GRK3: variants seen among roughly 807,000 people sequenced by gnomAD.
GRK3 encodes adrenergic, beta, receptor kinase 2.
GRK3 carries 54 observed loss-of-function variants against 95.7 expected under a neutral mutation model. The ratio of observed to expected loss-of-function variants is 0.56; its 90% CI spans 0.45 to 0.71. The LOEUF (loss-of-function observed/expected upper bound fraction) is 0.71, where lower values mean the gene tolerates loss of function less well. Ranked by LOEUF, GRK3 falls within the 30% of genes least tolerant of loss-of-function variation. The pLI is 0.00. For missense variants in GRK3, 649 were observed against 851.2 expected, an observed-to-expected ratio of 0.76 and a Z score of 2.96; for synonymous variants, 281 against 290.8, an observed-to-expected ratio of 0.97 and a Z score of 0.34.
At chr22:25,625,993 G>A (rs1043021754) in intron 2 of GRK3, among the ~76,000 whole-genome samples, 5 of 152,164 alleles carry the variant, frequency 3.3e-5, no homozygotes, top group Admixed American at 6.5e-5. Flanking sequence ...GGCCACTACC[G>A]GTCTCCGTGC....
intron 2 of GRK3, among the ~76,000 whole-genome samples, chr22:25,632,513 C>A (rs1049647957): frequency 6.6e-6 from 1 of 152,108 alleles, no homozygotes; most frequent in East Asian, 1.9e-4. Flanking sequence ...GCATGTAGAA[C>A]AGAAGTTTTA....
chr22:25,712,541 T>C (rs1443220831), intron 17 of GRK3, among the ~76,000 whole-genome samples: 1 of 152,254 alleles, frequency 6.6e-6, no homozygotes, highest in Non-Finnish European at 1.5e-5. Flanking sequence ...CAAACATTTT[T>C]TAATGTTAAA....
At chr22:25,670,853 T>C (rs191869063) in intron 6 of GRK3, among the ~76,000 whole-genome samples, 1,566 of 112,094 alleles carry the variant, frequency 0.014, 13 homozygotes, top group Non-Finnish European at 0.019. Context: ...CTGGCTAACA[T>C]GGTGAAACCC....
At chr22:25,708,061 C>A (rs957742509) in intron 15 of GRK3, among the ~76,000 whole-genome samples, 7 of 151,994 alleles carry the variant, frequency 4.6e-5, no homozygotes, top group African/African-American at 7.2e-5. Context: ...CATGGTGAAA[C>A]CCCATCTCTA....
At chr22:25,651,828 A>G (rs572794647) in intron 3 of GRK3, among the ~76,000 whole-genome samples, 1 of 152,354 alleles carries the variant, frequency 6.6e-6, no homozygotes, top group South Asian at 2.1e-4. Context: ...AGAAAAATAA[A>G]CAACTTTGTA....
In GRK3 at chr22:25,676,200, C is replaced by G. The variant is rs148577395; in HGVS notation, c.647+1672C>G. Among the ~76,000 whole-genome samples the G allele has an allele frequency of 6.3e-3, 950 of 151,846 alleles. 14 individuals carry two copies. The highest frequency in any genetic ancestry group is 0.022 in the African/African-American group (893 of 41,276). On this transcript the variant is annotated intron_variant, in intron 8 of 20. Transcript: ENST00000324198. The stretch of plus-strand genomic sequence containing the variant: ...ACACAGTCCTCTGCAACCCTGGTCA[C>G]TTTCACTGAAACACAGTCCTCTGCA...
intron 2 of GRK3, among the ~76,000 whole-genome samples, chr22:25,609,620 G>A (rs2084480461): frequency 6.6e-6 from 1 of 151,528 alleles, no homozygotes; most frequent in South Asian, 2.1e-4. Flanking sequence ...TTGAGCCAAT[G>A]TGCCCAGCCC....
At chr22:25,661,727 C>A in intron 4 of GRK3, 50 bp downstream of exon 4, 3 of 1,177,716 alleles carry the variant, frequency 2.5e-6, no homozygotes, top group Admixed American at 4.3e-5. Context: ...AATAAGGGAC[C>A]ATGTTCAGCG....
At chr22:25,690,408 C>A in intron 12 of GRK3, 125 bp downstream of exon 12, 1 of 690,636 alleles carries the variant, frequency 1.4e-6, no homozygotes, top group Non-Finnish European at 2.5e-6. Flanking sequence ...TCCAACATCA[C>A]AGGTCGTGGG....
At chr22:25,648,152 A>C in intron 3 of GRK3, 2 of 654,398 alleles carry the variant, frequency 3.1e-6, no homozygotes, top group South Asian at 3.4e-5. Flanking sequence ...AAACAAAACA[A>C]AAACGAGAGA....
At chr22:25,622,179 C>T (rs1200210107) in intron 2 of GRK3, among the ~76,000 whole-genome samples, 2 of 152,158 alleles carry the variant, frequency 1.3e-5, no homozygotes, top group Non-Finnish European at 2.9e-5. Context: ...CTATGCATTC[C>T]AGCCCCTTCA....
In GRK3 at chr22:25,626,490, C is replaced by A. The variant is rs372460759; in HGVS notation, c.191-18102C>A. Reference sequence around the variant, plus strand: ...ATTTCCGCAAGAGATATCCCCACTTCCGGGATGCTATTAAGGCACTGGGTG... The same window carrying A: ...ATTTCCGCAAGAGATATCCCCACTTACGGGATGCTATTAAGGCACTGGGTG... On this transcript the variant is annotated intron_variant, in intron 2 of 20. Transcript: ENST00000324198. Among the ~76,000 whole-genome samples the A allele has an allele frequency of 9.2e-5, 14 of 152,276 alleles. No homozygotes were observed. The East Asian group carries it at 2.5e-3, about 27-fold the overall frequency.
chr22:25,590,233 G>A (rs1335974583), intron 1 of GRK3, among the ~76,000 whole-genome samples: 1 of 151,812 alleles, frequency 6.6e-6, no homozygotes, highest in East Asian at 1.9e-4. Context: ...AAAAGTGAAA[G>A]TGGAATACAA....
At chr22:25,623,680 T>C (rs111871818) in intron 2 of GRK3, among the ~76,000 whole-genome samples, 4,070 of 152,152 alleles carry the variant, frequency 0.027, 67 homozygotes, top group East Asian at 0.042. Flanking sequence ...CTGGTGTCCT[T>C]TCCTCCCTTT....
chr22:25,600,808 G>A (rs1177556784), intron 1 of GRK3, among the ~76,000 whole-genome samples: 1 of 152,068 alleles, frequency 6.6e-6, no homozygotes, highest in Non-Finnish European at 1.5e-5. Context: ...ATCCTTAAAG[G>A]TAAAAAGATA....
chr22:25,581,572 A>C (rs1242084709), intron 1 of GRK3, among the ~76,000 whole-genome samples: 3 of 152,194 alleles, frequency 2.0e-5, no homozygotes, highest in Non-Finnish European at 1.5e-5. Context: ...TTTGCAACCT[A>C]AGAGTCCCGA....
intron 5 of GRK3, among the ~76,000 whole-genome samples, chr22:25,667,216 T>C (rs1213729999): frequency 6.6e-6 from 1 of 151,848 alleles, no homozygotes; most frequent in Non-Finnish European, 1.5e-5. Context: ...ATAAAATAGC[T>C]AATTAAAAAA....
At chr22:25,574,004 G>A (rs1310642631) in intron 1 of GRK3, among the ~76,000 whole-genome samples, 3 of 152,144 alleles carry the variant, frequency 2.0e-5, no homozygotes, top group African/African-American at 4.8e-5. Flanking sequence ...CCCATTGGCT[G>A]GGGAAGACAG....
chr22:25,692,371 T>TC (rs1344753804), intron 12 of GRK3, among the ~76,000 whole-genome samples: 2 of 152,262 alleles, frequency 1.3e-5, no homozygotes, highest in Non-Finnish European at 2.9e-5. Flanking sequence ...TGTGTCAGCC[T>TC]CATTGTCCCT....
Sources: allele counts gnomAD v4.1 joint callset (sites outside exome capture counted in the v4.1 genomes callset), GRCh38; gene constraint gnomAD v4.1.1; transcripts MANE v1.5; gene names NCBI Gene and HGNC (gene_info 2026-07-23, HGNC 2026-07-21).